Variants in CHCHD3 observed in about 807,000 individuals in gnomAD.
CHCHD3 encodes MICOS complex subunit MIC19.
A neutral mutation model predicts 38.2 loss-of-function variants in CHCHD3; 20 were observed. The ratio of observed to expected loss-of-function variants is 0.52; its 90% confidence interval spans 0.37 to 0.76. The LOEUF is 0.76. Ranked by LOEUF, CHCHD3 falls within the 30% of genes least tolerant of loss-of-function variation. CHCHD3 has a pLI of 0.00. For synonymous variants in CHCHD3, 82 were observed against 100.0 expected (o/e 0.82, Z 1.07); for missense variants, 245 against 279.2 (o/e 0.88, Z 0.87).
intron 2 of CHCHD3, among the ~76,000 whole-genome samples, chr7:133,058,802 G>A (rs145092241): frequency 8.5e-5 from 13 of 152,310 alleles, no homozygotes; most frequent in African/African-American, 2.2e-4. Context: ...TGTAGCACAC[G>A]GTGATGAGGT....
At chr7:132,919,097 A>G (rs1001323066) in intron 4 of CHCHD3, among the ~76,000 whole-genome samples, 1 of 62,060 alleles carries the variant, frequency 1.6e-5, no homozygotes, top group African/African-American at 6.2e-5. Flanking sequence ...AGTTGGGTTT[A>G]TTCTTTTTTT....
chr7:132,791,012 G>A (rs1381570631), intron 7 of CHCHD3, among the ~76,000 whole-genome samples: 1 of 152,204 alleles, frequency 6.6e-6, no homozygotes, highest in Non-Finnish European at 1.5e-5. Context: ...TTGACCTATA[G>A]GGAGTGATAG....
At chr7:132,928,223 G>A (rs1471938539) in intron 4 of CHCHD3, among the ~76,000 whole-genome samples, 1 of 152,186 alleles carries the variant, frequency 6.6e-6, no homozygotes, top group African/African-American at 2.4e-5. Context: ...AATTCTATGA[G>A]GCCTGGGTGA....
At chr7:132,839,554 C>T (rs868840433) in intron 5 of CHCHD3, among the ~76,000 whole-genome samples, 101 of 152,310 alleles carry the variant, frequency 6.6e-4, no homozygotes, top group African/African-American at 2.4e-3. Context: ...CACCACAATA[C>T]GGTAGTCTAT....
At chr7:132,811,062 G>T (rs1807058060) in intron 6 of CHCHD3, among the ~76,000 whole-genome samples, 1 of 151,716 alleles carries the variant, frequency 6.6e-6, no homozygotes, top group South Asian at 2.1e-4. Flanking sequence ...CTGGCCTGTT[G>T]TTTCATTGAG....
intron 4 of CHCHD3, among the ~76,000 whole-genome samples, chr7:132,895,247 C>T (rs1809464949): frequency 6.6e-6 from 1 of 152,300 alleles, no homozygotes; most frequent in East Asian, 1.9e-4. Flanking sequence ...GCTCTGTATC[C>T]AGCCATGTGT....
intron 3 of CHCHD3, among the ~76,000 whole-genome samples, chr7:133,007,525 T>C (rs1812732845): frequency 6.6e-6 from 1 of 152,204 alleles, no homozygotes; most frequent in African/African-American, 2.4e-5. Flanking sequence ...CCTAACGGAA[T>C]GGCTGGCCCC....
intron 6 of CHCHD3, among the ~76,000 whole-genome samples, chr7:132,830,122 T>A (rs1271838765): frequency 2.0e-5 from 3 of 152,194 alleles, no homozygotes; most frequent in Non-Finnish European, 4.4e-5. Flanking sequence ...GCAGATCTGA[T>A]TTGAAGGGCT....
intron 6 of CHCHD3, among the ~76,000 whole-genome samples, chr7:132,798,179 T>C (rs1188417100): frequency 2.0e-5 from 3 of 152,186 alleles, no homozygotes; most frequent in Non-Finnish European, 4.4e-5. Context: ...GTTCCCTGAC[T>C]TCCTACTATC....
At chr7:132,999,561 A>T (rs941083623) in intron 3 of CHCHD3, among the ~76,000 whole-genome samples, 1 of 152,190 alleles carries the variant, frequency 6.6e-6, no homozygotes, top group Middle Eastern at 3.2e-3. Context: ...GAAAATAAGC[A>T]CAAATATGTG....
At chr7:132,824,396 G>C (rs1421885551) in intron 6 of CHCHD3, among the ~76,000 whole-genome samples, 1 of 140,884 alleles carries the variant, frequency 7.1e-6, no homozygotes, top group Non-Finnish European at 1.5e-5. Flanking sequence ...TCGGCTCACT[G>C]CAAGCTACGC....
Position 132,825,183 on chromosome 7 carries a change from G to A in CHCHD3, c.524+13216C>T, listed in dbSNP as rs889900938. ...AACATCAAAGAGACCCTTGATGAATGTATGTGTTAATACTGAGGATGGTAA... is the reference window on the plus strand; with the variant it reads ...AACATCAAAGAGACCCTTGATGAATATATGTGTTAATACTGAGGATGGTAA... On this transcript the variant is annotated intron_variant, in intron 6 of 7. Coordinates refer to ENST00000262570, the MANE Select transcript of CHCHD3 (RefSeq NM_017812.4). 3.9e-5 allele frequency among the ~76,000 whole-genome samples: 6 copies of A among 152,122 alleles called. No homozygotes were observed. The East Asian group carries it at 1.2e-3, about 29-fold the overall frequency.
chr7:133,017,013 A>T (rs1813050408), intron 3 of CHCHD3, among the ~76,000 whole-genome samples: 1 of 152,228 alleles, frequency 6.6e-6, no homozygotes, highest in African/African-American at 2.4e-5. Flanking sequence ...TACACTCCTC[A>T]AACACAAAGT....
chr7:132,824,404 C>G (rs140468286), intron 6 of CHCHD3, among the ~76,000 whole-genome samples: 1 of 143,986 alleles, frequency 6.9e-6, no homozygotes, highest in African/African-American at 2.6e-5. Flanking sequence ...CTGCAAGCTA[C>G]GCCTCCTGGG....
intron 5 of CHCHD3, among the ~76,000 whole-genome samples, chr7:132,853,290 T>C (rs149827334): frequency 1.3e-5 from 2 of 152,300 alleles, no homozygotes; most frequent in African/African-American, 4.8e-5. Context: ...CAGGAAGTTA[T>C]CTGTGTCACC....
At chr7:132,969,107 A>C (rs1222688788) in intron 4 of CHCHD3, among the ~76,000 whole-genome samples, 1 of 151,112 alleles carries the variant, frequency 6.6e-6, no homozygotes, top group Non-Finnish European at 1.5e-5. Flanking sequence ...AGTCGCTTAA[A>C]TTTTCAAAAA....
intron 2 of CHCHD3, among the ~76,000 whole-genome samples, chr7:133,061,051 T>A (rs908474449): frequency 1.3e-5 from 2 of 152,014 alleles, no homozygotes; most frequent in Admixed American, 1.3e-4. Flanking sequence ...CTCAATCCCA[T>A]GAGATTCCCA....
intron 5 of CHCHD3, among the ~76,000 whole-genome samples, chr7:132,839,748 G>A (rs1254505631): frequency 6.6e-6 from 1 of 152,214 alleles, no homozygotes; most frequent in Non-Finnish European, 1.5e-5. Context: ...CTTGGATGTA[G>A]ATAAAATCAA....
chr7:132,877,777 C>T (rs1351790467), intron 5 of CHCHD3, among the ~76,000 whole-genome samples: 1 of 151,984 alleles, frequency 6.6e-6, no homozygotes. Context: ...AGGGAATCTG[C>T]CCTGATCTCC....
Sources: allele counts gnomAD v4.1 joint callset (sites outside exome capture counted in the v4.1 genomes callset), GRCh38; gene constraint gnomAD v4.1.1; transcripts MANE v1.5; gene names NCBI Gene and HGNC (gene_info 2026-07-23, HGNC 2026-07-21).